Variants in TAFA4 observed in about 807,000 individuals in gnomAD.
The protein encoded by TAFA4 is TAFA chemokine like family member 4.
TAFA4 carries 20 observed loss-of-function variants against 21.1 expected under a neutral mutation model. The observed-to-expected ratio is 0.95, with a 90% CI of 0.67 to 1.38. The LOEUF is 1.38. TAFA4 is among the 40% of genes most tolerant of loss of function. TAFA4 has a pLI of 0.00. For missense variants in TAFA4, 211 were observed against 180.9 expected (o/e 1.17, Z -0.95); for synonymous variants, 71 against 67.4 (o/e 1.05, Z -0.26).
At chr3:68,834,712 G>C (rs961700152) in intron 3 of TAFA4, among the ~76,000 whole-genome samples, 3 of 152,082 alleles carry the variant, frequency 2.0e-5, no homozygotes, top group East Asian at 3.9e-4. Context: ...AAAAAGACGG[G>C]CATCCTCCTT....
chr3:68,926,652 C>T (rs2090110343), intron 1 of TAFA4, among the ~76,000 whole-genome samples: 1 of 152,128 alleles, frequency 6.6e-6, no homozygotes, highest in African/African-American at 2.4e-5. Context: ...GTGGCTCAGG[C>T]CTGTAATCCC....
At chr3:68,920,978 CT>C in intron 1 of TAFA4, among the ~76,000 whole-genome samples, 1 of 152,294 alleles carries the variant, frequency 6.6e-6, no homozygotes, top group South Asian at 2.1e-4. Flanking sequence ...ACCTCATCTT[CT>C]AACTGTCTGG....
intron 3 of TAFA4, among the ~76,000 whole-genome samples, chr3:68,763,432 T>C (rs1324478415): frequency 6.6e-6 from 1 of 152,166 alleles, no homozygotes; most frequent in Non-Finnish European, 1.5e-5. Context: ...AACTTTAATA[T>C]ATTTCAAGGA....
At chr3:68,769,395 A>G (rs1367207845) in intron 3 of TAFA4, among the ~76,000 whole-genome samples, 5 of 152,166 alleles carry the variant, frequency 3.3e-5, no homozygotes, top group Non-Finnish European at 4.4e-5. Context: ...CAATAAATGT[A>G]ATGTGCTTCA....
At chr3:68,926,309 A>G (rs1294456974) in intron 1 of TAFA4, among the ~76,000 whole-genome samples, 1 of 152,128 alleles carries the variant, frequency 6.6e-6, no homozygotes, top group Non-Finnish European at 1.5e-5. Context: ...AAAGTTTAAA[A>G]AGGAATTGTC....
At chr3:68,822,764 G>A (rs982037002) in intron 3 of TAFA4, among the ~76,000 whole-genome samples, 6 of 152,102 alleles carry the variant, frequency 3.9e-5, no homozygotes, top group African/African-American at 1.4e-4. Flanking sequence ...GAGCCACTGC[G>A]CCTGGCTGCT....
intron 3 of TAFA4, among the ~76,000 whole-genome samples, chr3:68,829,503 G>A (rs940300364): frequency 2.2e-4 from 33 of 152,172 alleles, no homozygotes; most frequent in African/African-American, 3.4e-4. Flanking sequence ...ATTGATTTGC[G>A]TATGTTGAAC....
intron 1 of TAFA4, chr3:68,915,939 T>C (rs970197478): frequency 6.6e-6 from 1 of 152,242 alleles, no homozygotes; most frequent in African/African-American, 2.4e-5. Flanking sequence ...ATATGCTGAA[T>C]TTATCTGCTC....
chr3:68,742,342 G>GTACTTAAATTATAGAGC (rs1553714409), intron 4 of TAFA4, among the ~76,000 whole-genome samples: 3 of 93,002 alleles, frequency 3.2e-5, no homozygotes, highest in Admixed American at 1.0e-4. Flanking sequence ...AATTAGAAAG[G>GTACTTAAATTATAGAGC]AAGAAGTTAA....
At chr3:68,880,901 G>A (rs895771930) in intron 2 of TAFA4, 56 bp from the exon 3 acceptor site, 2 of 1,406,022 alleles carry the variant, frequency 1.4e-6, no homozygotes, top group South Asian at 2.4e-5. Context: ...AGACTCCCTG[G>A]CAAGCACCAT....
At chr3:68,807,681 C>G (rs1324344965) in intron 3 of TAFA4, among the ~76,000 whole-genome samples, 1 of 152,184 alleles carries the variant, frequency 6.6e-6, no homozygotes, top group Admixed American at 6.5e-5. Flanking sequence ...AAATCACTGT[C>G]TATTAAAGTT....
chr3:68,741,792 A>C (rs894750000), intron 4 of TAFA4, among the ~76,000 whole-genome samples: 1 of 151,088 alleles, frequency 6.6e-6, no homozygotes, highest in Non-Finnish European at 1.5e-5. Context: ...ACTCCATCTC[A>C]AAAAAAAATA....
intron 3 of TAFA4, among the ~76,000 whole-genome samples, chr3:68,819,850 T>G (rs758422077): frequency 1.3e-5 from 2 of 152,180 alleles, no homozygotes; most frequent in African/African-American, 4.8e-5. Flanking sequence ...TGTAAATTAA[T>G]AAAGCCATTA....
At chr3:68,795,195 T>C (rs1442009749) in intron 3 of TAFA4, among the ~76,000 whole-genome samples, 1 of 151,440 alleles carries the variant, frequency 6.6e-6, no homozygotes, top group Non-Finnish European at 1.5e-5. Context: ...GTGAAGATCT[T>C]AGCTAGGTCT....
At chr3:68,764,003 A>G (rs1702804276) in intron 3 of TAFA4, among the ~76,000 whole-genome samples, 1 of 152,160 alleles carries the variant, frequency 6.6e-6, no homozygotes, top group Non-Finnish European at 1.5e-5. Flanking sequence ...TTCTTAGTGA[A>G]CCTAATCCAC....
intron 3 of TAFA4, among the ~76,000 whole-genome samples, chr3:68,821,342 T>TGTGAATTA (rs1479810300): frequency 8.4e-4 from 11 of 13,024 alleles, no homozygotes; most frequent in South Asian, 0.013. Flanking sequence ...TTTTTTTTTT[T>TGTGAATTA]TTTTTTTTTT....
At chr3:68,741,778 C>G (rs1702358350) in intron 4 of TAFA4, among the ~76,000 whole-genome samples, 1 of 151,744 alleles carries the variant, frequency 6.6e-6, no homozygotes, top group Non-Finnish European at 1.5e-5. Flanking sequence ...GGTGACAGAG[C>G]AAGACTCCAT....
At chr3:68,793,931 A>T (rs1703410434) in intron 3 of TAFA4, among the ~76,000 whole-genome samples, 1 of 152,208 alleles carries the variant, frequency 6.6e-6, no homozygotes, top group Non-Finnish European at 1.5e-5. Context: ...GGAATTTTGA[A>T]GCTGTTCCAC....
At chr3:68,814,427 C>G (rs1475834749) in intron 3 of TAFA4, among the ~76,000 whole-genome samples, 2 of 152,146 alleles carry the variant, frequency 1.3e-5, no homozygotes, top group Non-Finnish European at 2.9e-5. Context: ...GCCATTGTCT[C>G]AGCCCAAAAT....
Sources: gnomAD v4.1 joint callset for allele counts (sites outside exome capture counted in the v4.1 genomes callset) on GRCh38, gnomAD v4.1.1 for gene constraint, MANE v1.5 for transcripts, NCBI Gene and HGNC (gene_info 2026-07-23, HGNC 2026-07-21) for gene names.